The following MYOF variants were observed in gnomAD, a reference collection of about 807,000 sequenced individuals.
MYOF encodes the protein myoferlin, also known as fer-1-like 3, myoferlin.
Under a neutral mutation model 284.2 loss-of-function variants are expected in MYOF, and 244 were observed. The ratio of observed to expected loss-of-function variants is 0.86; its 90% CI spans 0.77 to 0.95. MYOF has a LOEUF of 0.95. Among genes scored for constraint, MYOF ranks in the 40% least tolerant of loss-of-function variants. The pLI is 0.00. For synonymous variants in MYOF, 904 were observed against 919.7 expected, an observed-to-expected ratio of 0.98 and a Z score of 0.31; for missense variants, 2,496 against 2,560.6, an observed-to-expected ratio of 0.97 and a Z score of 0.54.
At chr10:93,352,137 G>A (rs1321244754) in intron 32 of MYOF, among the ~76,000 whole-genome samples, 1 of 152,182 alleles carries the variant, frequency 6.6e-6, no homozygotes, top group African/African-American at 2.4e-5. Flanking sequence ...CTGCACTCAT[G>A]GTTGAGTGAG....
intron 49 of MYOF, among the ~76,000 whole-genome samples, chr10:93,318,587 C>T (rs942228034): frequency 1.3e-5 from 2 of 151,824 alleles, no homozygotes; most frequent in Admixed American, 6.6e-5. Context: ...GGAGAAACCC[C>T]GTCTCTACTA....
intron 1 of MYOF, among the ~76,000 whole-genome samples, chr10:93,471,361 CT>C (rs2057142259): frequency 6.6e-6 from 1 of 151,502 alleles, no homozygotes; most frequent in Admixed American, 6.6e-5. Context: ...CACTTTCTTC[CT>C]TTTTCAGACT....
intron 23 of MYOF, among the ~76,000 whole-genome samples, chr10:93,373,867 A>AT (rs1004962160): frequency 6.3e-4 from 95 of 150,912 alleles, no homozygotes; most frequent in Admixed American, 1.6e-3. Flanking sequence ...TACACCTACC[A>AT]TTTTTTTTTA....
chr10:93,319,835 T>C, intron 49 of MYOF, 37 bp downstream of exon 49: 10 of 1,613,398 alleles, frequency 6.2e-6, no homozygotes, highest in South Asian at 1.1e-5. Flanking sequence ...GGAAGATCCA[T>C]GATACCCACT....
At chr10:93,350,269 T>C (rs878267) in intron 35 of MYOF, among the ~76,000 whole-genome samples, 39,566 of 151,988 alleles carry the variant, frequency 0.26, 6,754 homozygotes, top group East Asian at 0.88. Context: ...ACAAGACTGA[T>C]CGTATTATCT....
intron 1 of MYOF, among the ~76,000 whole-genome samples, chr10:93,468,221 T>G (rs377252780): frequency 1.3e-5 from 2 of 152,212 alleles, no homozygotes; most frequent in African/African-American, 2.4e-5. Flanking sequence ...TTCTGACTAG[T>G]ATATTTCACA....
intron 1 of MYOF, among the ~76,000 whole-genome samples, chr10:93,464,959 T>C (rs2134360879): frequency 6.6e-6 from 1 of 152,318 alleles, no homozygotes. Flanking sequence ...TATGAATTCA[T>C]CTGCCATTTT....
chr10:93,330,248 TATAATA>T (rs138212967), intron 43 of MYOF, among the ~76,000 whole-genome samples: 6,491 of 152,240 alleles, frequency 0.043, 200 homozygotes, highest in Non-Finnish European at 0.066. Context: ...CCAATGCCAG[TATAATA>T]ATAATGATGT....
intron 5 of MYOF, among the ~76,000 whole-genome samples, chr10:93,412,897 C>T (rs1367774780): frequency 6.6e-6 from 1 of 152,132 alleles, no homozygotes; most frequent in African/African-American, 2.4e-5. Flanking sequence ...GCACTGGGGG[C>T]CAGGCGCTTC....
At chr10:93,310,261 A>G in intron 52 of MYOF, 94 bp from the exon 53 acceptor site, 2 of 1,464,358 alleles carry the variant, frequency 1.4e-6, no homozygotes, top group South Asian at 1.3e-5. Context: ...AAAGAATCAC[A>G]TTAATAAGGT....
intron 19 of MYOF, 71 bp downstream of exon 19, chr10:93,387,726 C>G: frequency 7.5e-7 from 1 of 1,331,952 alleles, no homozygotes; most frequent in Non-Finnish European, 1.1e-6. Flanking sequence ...CTTCCGACTC[C>G]CCCAGCTACC....
At chr10:93,336,180 G>A (rs1843599732) in intron 40 of MYOF, 134 bp from the exon 41 acceptor site, 2 of 952,484 alleles carry the variant, frequency 2.1e-6, no homozygotes, top group Non-Finnish European at 3.1e-6. Flanking sequence ...TGGCGGGAGT[G>A]TAGACAGATA....
intron 1 of MYOF, among the ~76,000 whole-genome samples, chr10:93,466,795 G>A (rs890426977): frequency 6.6e-6 from 1 of 152,134 alleles, no homozygotes; most frequent in Non-Finnish European, 1.5e-5. Flanking sequence ...GAAACATAAT[G>A]AGACTCCATC....
intron 1 of MYOF, among the ~76,000 whole-genome samples, chr10:93,458,109 T>G (rs1240406842): frequency 6.6e-6 from 1 of 151,938 alleles, no homozygotes; most frequent in Non-Finnish European, 1.5e-5. Context: ...TCCCAGCACT[T>G]ATGGAGGCCA....
chr10:93,366,308 T>A, intron 26 of MYOF, 84 bp downstream of exon 26: 1 of 1,405,084 alleles, frequency 7.1e-7, no homozygotes, highest in Non-Finnish European at 9.9e-7. Flanking sequence ...ATTATCAAGA[T>A]GATGACGGAG....
chr10:93,428,808 AGTT>A (rs1848710842), intron 4 of MYOF, among the ~76,000 whole-genome samples: 1 of 152,200 alleles, frequency 6.6e-6, no homozygotes, highest in Non-Finnish European at 1.5e-5. Context: ...TGAAGGGCTT[AGTT>A]GCTAAACTGA....
In MYOF at chr10:93,361,480, A is replaced by T. The variant is rs1013663967; in HGVS notation, c.2946T>A (p.Tyr982Ter). Residue 982 changes from tyrosine to a stop codon, truncating the protein, a stop_gained, in exon 28 of 54, where the codon TAT becomes TAA. Transcript: ENST00000359263. LOFTEE classifies it high-confidence loss of function. ...GWEWEDDAWSYDINRAVDEKG... is the reference protein window; with the variant it reads ...GWEWEDDAWS ...TCTCATCCACCGCTCGATTTATGTC[A>T]TAAGACCATGCATCATCTTCCCATT... 7.4e-6 allele frequency: 12 copies of T among 1,614,086 alleles called. No homozygotes were observed. The highest frequency in any genetic ancestry group is 1.7e-5 in the Admixed American group (1 of 59,996).
chr10:93,308,534 G>A (rs1589364773), intron 53 of MYOF, among the ~76,000 whole-genome samples: 2 of 138,472 alleles, frequency 1.4e-5, no homozygotes, highest in Non-Finnish European at 1.5e-5. Flanking sequence ...GCAGTGAGCC[G>A]AGATCGTGCC....
chr10:93,357,865 C>G (rs1844883064), intron 29 of MYOF, among the ~76,000 whole-genome samples: 1 of 152,188 alleles, frequency 6.6e-6, no homozygotes, highest in South Asian at 2.1e-4. Context: ...CTTCCCGCTT[C>G]AACTTGGTGC....
Sources: gnomAD v4.1 joint callset for allele counts (sites outside exome capture counted in the v4.1 genomes callset) on GRCh38, gnomAD v4.1.1 for gene constraint, MANE v1.5 for transcripts, NCBI Gene and HGNC (gene_info 2026-07-23, HGNC 2026-07-21) for gene names.